MPZL2: variants seen among roughly 807,000 people sequenced by gnomAD.
MPZL2 encodes the protein myelin protein zero-like protein 2.
Under a neutral mutation model 24.5 loss-of-function variants are expected in MPZL2, and 32 were observed. The observed-to-expected ratio is 1.31, with a 90% CI of 0.99 to 1.76. The LOEUF is 1.76. Ranked by LOEUF, MPZL2 falls within the 40% of genes most tolerant of loss-of-function variation. MPZL2 has a pLI of 0.00. For missense variants in MPZL2, 304 were observed against 274.9 expected (o/e 1.11, Z -0.75); for synonymous variants, 92 against 97.9 (o/e 0.94, Z 0.36).
intron 2 of MPZL2, 30 bp from the exon 3 acceptor site, chr11:118,262,678 T>C (rs759611630): frequency 1.9e-6 from 3 of 1,603,920 alleles, no homozygotes; most frequent in Non-Finnish European, 2.6e-6. Context: ...AAAGGTCTTC[T>C]TACTCAGCAC....
At chr11:118,264,030 A>T (rs1949721338) in intron 1 of MPZL2, 66 bp downstream of exon 1, 1 of 1,504,738 alleles carries the variant, frequency 6.6e-7, no homozygotes, top group African/African-American at 1.4e-5. Context: ...CTTCTAAGAC[A>T]ATTAGCTAAC....
At chr11:118,262,803 C>T (rs1949710342) in intron 2 of MPZL2, 128 bp downstream of exon 2, 2 of 1,393,950 alleles carry the variant, frequency 1.4e-6, no homozygotes, top group Non-Finnish European at 2.0e-6. Context: ...GTCTCTGTCC[C>T]AAGAATTGTT....
intron 5 of MPZL2, among the ~76,000 whole-genome samples, chr11:118,255,913 A>G (rs1287498732): frequency 6.6e-6 from 1 of 152,104 alleles, no homozygotes; most frequent in Non-Finnish European, 1.5e-5. Flanking sequence ...CCAGTTGGGG[A>G]TCACACATTG....
At chr11:118,255,599 T>A (rs1296829021) in intron 5 of MPZL2, among the ~76,000 whole-genome samples, 1 of 152,114 alleles carries the variant, frequency 6.6e-6, no homozygotes, top group African/African-American at 2.4e-5. Flanking sequence ...ATTCATTAAT[T>A]CATTCTTTTC....
At chr11:118,259,003 G>A (rs1472713224) in intron 4 of MPZL2, among the ~76,000 whole-genome samples, 22 of 113,546 alleles carry the variant, frequency 1.9e-4, no homozygotes, top group African/African-American at 9.3e-4. Flanking sequence ...CCTAATACAC[G>A]GTTATGATTA....
intron 5 of MPZL2, among the ~76,000 whole-genome samples, chr11:118,255,653 C>T (rs1218248125): frequency 7.7e-6 from 1 of 130,444 alleles, no homozygotes; most frequent in African/African-American, 3.1e-5. Flanking sequence ...AATTCTGAAG[C>T]CTTTTTTGTT....
At chr11:118,264,071 C>G in intron 1 of MPZL2, 25 bp downstream of exon 1, 1 of 1,612,558 alleles carries the variant, frequency 6.2e-7, no homozygotes. Context: ...GGAGGAAACT[C>G]TGAGAGAAGC....
Position 118,253,535 on chromosome 11 carries a change from A to G in MPZL2, c.*1711T>C, listed in dbSNP as rs1949643615. The G allele has an allele frequency of 6.6e-6, 1 of 152,228 alleles. No individual in the cohort carries two copies. The highest frequency in any genetic ancestry group is 6.5e-5 in the Admixed American group (1 of 15,280). The allele number at this position is 152,228 out of a possible 1,614,324, so 9.4% of individuals were successfully genotyped here. The stretch of plus-strand genomic sequence containing the variant: ...GAAGGAGACACTAAACAACAGGCCC[A>G]TATTACCCCTTGACTATTTAGCCAA... On this transcript the variant is annotated 3_prime_UTR_variant, in exon 6 of 6. Transcript: ENST00000278937.
chr11:118,256,901 G>A (rs924724499), intron 5 of MPZL2: 10 of 162,896 alleles, frequency 6.1e-5, no homozygotes, highest in African/African-American at 7.2e-5. Flanking sequence ...AGAATAAGCA[G>A]ATACTAATCT....
chr11:118,259,905 C>T, intron 4 of MPZL2, 149 bp downstream of exon 4: 1 of 862,770 alleles, frequency 1.2e-6, no homozygotes. Flanking sequence ...CTAGTTCATA[C>T]CTGATTTATC....
chr11:118,264,065 GAA>G, intron 1 of MPZL2, 29 bp downstream of exon 1: 1 of 1,607,348 alleles, frequency 6.2e-7, no homozygotes, highest in Non-Finnish European at 8.5e-7. Flanking sequence ...AGTGAAGGAG[GAA>G]ACTCTGAGAG....
intron 3 of MPZL2, among the ~76,000 whole-genome samples, chr11:118,261,494 G>A (rs1278934989): frequency 6.6e-6 from 1 of 152,174 alleles, no homozygotes; most frequent in African/African-American, 2.4e-5. Flanking sequence ...TGCTGTGCCT[G>A]TACAAAATAA....
intron 5 of MPZL2, among the ~76,000 whole-genome samples, chr11:118,256,213 A>G (rs962871953): frequency 6.6e-6 from 1 of 152,042 alleles, no homozygotes; most frequent in African/African-American, 2.4e-5. Flanking sequence ...CTCCCGTGTA[A>G]CAGAGCCAGA....
intron 4 of MPZL2, among the ~76,000 whole-genome samples, chr11:118,258,216 T>G (rs1477972715): frequency 6.6e-6 from 1 of 152,108 alleles, no homozygotes; most frequent in Non-Finnish European, 1.5e-5. Flanking sequence ...TTCATGATCT[T>G]GGGGATTAGG....
chr11:118,263,148 G>C (rs1419148415), intron 1 of MPZL2, 51 bp from the exon 2 acceptor site: 2 of 1,552,482 alleles, frequency 1.3e-6, no homozygotes, highest in Non-Finnish European at 1.7e-6. Flanking sequence ...GTAGTATTGT[G>C]AGAACTTCTG....
At position 118,262,557 on chromosome 11, in the gene MPZL2, G is replaced by T. The variant is rs1194589683; in HGVS notation, c.317C>A (p.Ala106Asp). The change falls in exon 3 of 6, where the codon GCC becomes GAC. Residue 106 changes from alanine to aspartate, a missense_variant. Transcript: ENST00000278937. ...CTGCAGTTTCCAGAGAAGGATGGAGGCATCGTACCGCTCAGGATTCCCATC... is the reference window on the plus strand; with the variant it reads ...CTGCAGTTTCCAGAGAAGGATGGAGTCATCGTACCGCTCAGGATTCCCATC... Reference protein sequence around the residue: ...SWDGNPERYDASILLWKLQFD... With the variant: ...SWDGNPERYDDSILLWKLQFD... The T allele has an allele frequency of 1.2e-6, 2 of 1,614,172 alleles. No homozygotes were observed. The highest frequency in any genetic ancestry group is 4.5e-5 in the East Asian group (2 of 44,880).
chr11:118,258,753 A>C (rs950792302), intron 4 of MPZL2, among the ~76,000 whole-genome samples: 4 of 152,056 alleles, frequency 2.6e-5, no homozygotes, highest in African/African-American at 9.7e-5. Flanking sequence ...TTCTCACAAA[A>C]TCTGGTCATA....
At chr11:118,262,012 C>T (rs1274524692) in intron 3 of MPZL2, among the ~76,000 whole-genome samples, 2 of 152,162 alleles carry the variant, frequency 1.3e-5, no homozygotes, top group African/African-American at 4.8e-5. Flanking sequence ...ATCATTAGTA[C>T]CTGCCTCCTA....
rs1449851518 is a variant in MPZL2 at position 118,260,107 on chromosome 11, A to G, written c.531T>C (p.His177=). The G allele has an allele frequency of 6.2e-7, 1 of 1,614,122 alleles. No individual in the cohort carries two copies. The part of the protein sequence containing the change: ...IIVIVVVLFQ[H]YRKKRWAERA... ...TTTCGGCCCATCGCTTTTTCCGGTA[A>G]TGCTGGAAGAGGACCACTACAATTA... The change falls in exon 4 of 6, where the codon CAT becomes CAC. Residue 177 remains histidine, a synonymous_variant. Coordinates refer to ENST00000278937, the MANE Select transcript of MPZL2 (RefSeq NM_005797.4).
Sources: allele counts gnomAD v4.1 joint callset (sites outside exome capture counted in the v4.1 genomes callset), GRCh38; gene constraint gnomAD v4.1.1; transcripts MANE v1.5; gene names NCBI Gene and HGNC (gene_info 2026-07-23, HGNC 2026-07-21).